Variants in SLC35F1 observed in about 807,000 individuals in gnomAD.
The protein encoded by SLC35F1 is solute carrier family 35 member F1, also known as chromosome 6 open reading frame 169.
In SLC35F1, 14 loss-of-function variants were observed where a neutral mutation model predicts 48.7. That is an observed-to-expected ratio of 0.29 (90% CI 0.19 to 0.45). SLC35F1 has a LOEUF of 0.45. Among genes scored for constraint, SLC35F1 ranks in the 20% least tolerant of loss-of-function variants. The pLI is 1.00. For synonymous variants in SLC35F1, 190 were observed against 202.2 expected, an observed-to-expected ratio of 0.94 and a Z score of 0.51; for missense variants, 404 against 500.0, an observed-to-expected ratio of 0.81 and a Z score of 1.83.
intron 2 of SLC35F1, among the ~76,000 whole-genome samples, chr6:118,192,236 C>T (rs1031500281): frequency 6.6e-6 from 1 of 152,116 alleles, no homozygotes; most frequent in African/African-American, 2.4e-5. Context: ...GCAAATCTGG[C>T]AAAGTATTTC....
chr6:117,968,489 C>T (rs1476340159), intron 1 of SLC35F1, among the ~76,000 whole-genome samples: 1 of 152,066 alleles, frequency 6.6e-6, no homozygotes, highest in Non-Finnish European at 1.5e-5. Flanking sequence ...AACCTTGCTT[C>T]AAAGAAGGCT....
At chr6:118,185,353 C>T (rs889217465) in intron 2 of SLC35F1, among the ~76,000 whole-genome samples, 1 of 152,146 alleles carries the variant, frequency 6.6e-6, no homozygotes, top group Non-Finnish European at 1.5e-5. Context: ...GAAAGATTTG[C>T]AGGCTAATTT....
chr6:118,206,822 C>T (rs1021496477), intron 2 of SLC35F1, among the ~76,000 whole-genome samples: 17 of 152,126 alleles, frequency 1.1e-4, no homozygotes, highest in Non-Finnish European at 1.9e-4. Context: ...CTGGCAAGAT[C>T]ACAGCATTTG....
chr6:118,091,309 T>TAAGAACTTATAAGAACTATA (rs1773069866), intron 1 of SLC35F1, among the ~76,000 whole-genome samples: 1 of 152,194 alleles, frequency 6.6e-6, no homozygotes, highest in African/African-American at 2.4e-5. Flanking sequence ...GTAGTTCTTA[T>TAAGAACTTATAAGAACTATA]AGTCCCTGTG....
intron 2 of SLC35F1, among the ~76,000 whole-genome samples, chr6:118,170,704 G>A (rs1326720898): frequency 6.6e-6 from 1 of 152,082 alleles, no homozygotes; most frequent in Non-Finnish European, 1.5e-5. Flanking sequence ...GCCTCCCAAA[G>A]TGCTGGGATT....
chr6:117,949,631 T>C (rs1338973), intron 1 of SLC35F1, among the ~76,000 whole-genome samples: 151,379 of 152,246 alleles, frequency 0.99, 75,264 homozygotes, highest in Middle Eastern at 1. Context: ...CTGTTTACTA[T>C]GATCATTTTC....
chr6:118,299,501 A>G (rs1776231470), intron 7 of SLC35F1, among the ~76,000 whole-genome samples: 1 of 152,216 alleles, frequency 6.6e-6, no homozygotes, highest in African/African-American at 2.4e-5. Context: ...TGCAGAACCA[A>G]CTATATTAAA....
chr6:117,916,010 AT>A (rs796589915), intron 1 of SLC35F1, among the ~76,000 whole-genome samples: 26 of 152,324 alleles, frequency 1.7e-4, no homozygotes, highest in African/African-American at 6.3e-4. Context: ...TTGAAAGGTT[AT>A]TGAAAGCCAC....
chr6:118,182,517 AGAGAAGGAAGGAAGGAAGGAAG>A (rs1774593954), intron 2 of SLC35F1, among the ~76,000 whole-genome samples: 2 of 134,904 alleles, frequency 1.5e-5, no homozygotes, highest in African/African-American at 5.6e-5. Context: ...AGAGAGAGAG[AGAGAAGGAAGGAAGGAAGGAAG>A]GAAGGAAGGA....
rs183346988 is a variant in SLC35F1 at position 118,024,509 on chromosome 6, G to T, written c.173+116610G>T. ...TTTCTTTCTAATAGTGAAATATAAT[G>T]TCCCTTCACTTGGAAGAGAGAAGAA... On this transcript the variant is annotated intron_variant, in intron 1 of 7. Coordinates refer to ENST00000360388, the MANE Select transcript of SLC35F1 (RefSeq NM_001029858.4). Among the ~76,000 whole-genome samples the T allele has an allele frequency of 1.6e-3, 242 of 152,244 alleles. 1 individual carries two copies. The highest frequency in any genetic ancestry group is 5.6e-3 in the African/African-American group (231 of 41,562).
chr6:118,206,371 G>T (rs898252586), intron 2 of SLC35F1, among the ~76,000 whole-genome samples: 7 of 152,208 alleles, frequency 4.6e-5, no homozygotes, highest in East Asian at 1.9e-4. Flanking sequence ...GTACTTTGGG[G>T]TTATACCCAT....
At chr6:117,919,434 T>C (rs1430228596) in intron 1 of SLC35F1, among the ~76,000 whole-genome samples, 2 of 152,198 alleles carry the variant, frequency 1.3e-5, no homozygotes, top group African/African-American at 4.8e-5. Flanking sequence ...CCAAGCACCA[T>C]GTAACTGTTA....
chr6:117,952,708 C>G lies in SLC35F1; in HGVS notation c.173+44809C>G, dbSNP rs983275717. Among the ~76,000 whole-genome samples the G allele has an allele frequency of 2.6e-5, 4 of 152,168 alleles. No homozygotes were observed. In the East Asian group the frequency reaches 7.7e-4, roughly 29 times the overall value. ...GAAAGAAACACCCCAAAAGACAAATCAAAAACTTTACCAAGAGAGGATTGA... is the reference window on the plus strand; with the variant it reads ...GAAAGAAACACCCCAAAAGACAAATGAAAAACTTTACCAAGAGAGGATTGA... On this transcript the variant is annotated intron_variant, in intron 1 of 7. Coordinates refer to ENST00000360388, the MANE Select transcript of SLC35F1 (RefSeq NM_001029858.4).
chr6:118,164,618 A>G (rs1774288904), intron 2 of SLC35F1, among the ~76,000 whole-genome samples: 1 of 152,220 alleles, frequency 6.6e-6, no homozygotes, highest in Non-Finnish European at 1.5e-5. Context: ...GGACAGTGTG[A>G]GGCATACAGA....
chr6:118,133,111 G>A (rs989818982), intron 1 of SLC35F1, among the ~76,000 whole-genome samples: 2 of 152,126 alleles, frequency 1.3e-5, no homozygotes, highest in African/African-American at 4.8e-5. Context: ...GTTATATGGT[G>A]TATCTGAACA....
intron 2 of SLC35F1, among the ~76,000 whole-genome samples, chr6:118,174,932 C>A (rs555010991): frequency 6.6e-6 from 1 of 151,352 alleles, no homozygotes; most frequent in Admixed American, 6.6e-5. Context: ...AGTCTGTAAA[C>A]CATAAAAGTA....
At chr6:117,982,012 A>G (rs1776787435) in intron 1 of SLC35F1, among the ~76,000 whole-genome samples, 1 of 152,248 alleles carries the variant, frequency 6.6e-6, no homozygotes, top group South Asian at 2.1e-4. Context: ...GTATGTTTCA[A>G]GATCACAGCT....
At chr6:118,213,130 T>G (rs458588) in intron 2 of SLC35F1, among the ~76,000 whole-genome samples, 10,221 of 151,802 alleles carry the variant, frequency 0.067, 400 homozygotes, top group South Asian at 0.12. Context: ...CTGTTCAGAT[T>G]ATCACTTCTC....
At chr6:118,258,164 A>G (rs1775669131) in intron 3 of SLC35F1, among the ~76,000 whole-genome samples, 1 of 152,148 alleles carries the variant, frequency 6.6e-6, no homozygotes, top group Non-Finnish European at 1.5e-5. Flanking sequence ...TTGAAAGTAC[A>G]ATGAATTTTG....
Sources: gnomAD v4.1 joint callset for allele counts (sites outside exome capture counted in the v4.1 genomes callset) on GRCh38, gnomAD v4.1.1 for gene constraint, MANE v1.5 for transcripts, NCBI Gene and HGNC (gene_info 2026-07-23, HGNC 2026-07-21) for gene names.